PTPRM: variants seen among roughly 807,000 people sequenced by gnomAD.
PTPRM encodes the protein protein tyrosine phosphatase receptor type M, also known as receptor-type tyrosine-protein phosphatase mu.
In PTPRM, 47 loss-of-function variants were observed where a neutral mutation model predicts 186.7. The observed-to-expected ratio is 0.25, with a 90% confidence interval of 0.20 to 0.32. The LOEUF is 0.32. Among genes scored for constraint, PTPRM ranks in the 10% least tolerant of loss-of-function variants. The pLI is 1.00. For synonymous variants in PTPRM, 668 were observed against 674.9 expected (o/e 0.99, Z 0.16); for missense variants, 1,494 against 1,865.0 (o/e 0.80, Z 3.66).
intron 30 of PTPRM, 114 bp from the exon 31 acceptor site, chr18:8,386,958 G>C: frequency 9.0e-7 from 1 of 1,113,060 alleles, no homozygotes; most frequent in Non-Finnish European, 1.3e-6. Flanking sequence ...TAATTTGTAG[G>C]CAGGACTCGC....
chr18:8,225,008 C>T (rs1173166045), intron 14 of PTPRM, among the ~76,000 whole-genome samples: 2 of 152,204 alleles, frequency 1.3e-5, no homozygotes, highest in South Asian at 2.1e-4. Flanking sequence ...TTTTAAAGTT[C>T]CACATCAGCC....
intron 32 of PTPRM, among the ~76,000 whole-genome samples, chr18:8,399,227 G>A (rs1412352156): frequency 2.0e-5 from 3 of 152,176 alleles, no homozygotes; most frequent in Non-Finnish European, 4.4e-5. Context: ...TCCATCATAC[G>A]GTTAAAACAG....
At chr18:7,694,813 C>T (rs1210000037) in intron 1 of PTPRM, among the ~76,000 whole-genome samples, 1 of 152,026 alleles carries the variant, frequency 6.6e-6, no homozygotes, top group African/African-American at 2.4e-5. Context: ...ATTTATAGCT[C>T]TTTTAGAGAA....
chr18:8,333,112 A>G (rs922696657), intron 22 of PTPRM, among the ~76,000 whole-genome samples: 2 of 152,142 alleles, frequency 1.3e-5, no homozygotes, highest in Non-Finnish European at 2.9e-5. Context: ...GTTGATTTCC[A>G]TTGTTTCCTT....
chr18:7,765,309 A>G (rs2041967843), intron 1 of PTPRM, among the ~76,000 whole-genome samples: 1 of 152,218 alleles, frequency 6.6e-6, no homozygotes, highest in East Asian at 1.9e-4. Flanking sequence ...AGCACTTCTT[A>G]TAATAGAGCA....
intron 19 of PTPRM, among the ~76,000 whole-genome samples, chr18:8,274,795 C>G (rs1346665855): frequency 2.6e-5 from 4 of 152,188 alleles, no homozygotes; most frequent in Non-Finnish European, 5.9e-5. Flanking sequence ...GCTCTCTGTC[C>G]TCAGGAAACA....
chr18:8,039,111 A>T (rs933112743), intron 7 of PTPRM, among the ~76,000 whole-genome samples: 11 of 152,158 alleles, frequency 7.2e-5, no homozygotes, highest in African/African-American at 2.7e-4. Flanking sequence ...AATATACCAG[A>T]TTTATTATCT....
chr18:7,892,255 G>T (rs2049119817), intron 3 of PTPRM, among the ~76,000 whole-genome samples: 1 of 152,204 alleles, frequency 6.6e-6, no homozygotes, highest in Non-Finnish European at 1.5e-5. Context: ...CAGTGTGCTG[G>T]TTTAGCGTGG....
chr18:7,761,974 A>G (rs28594778), intron 1 of PTPRM, among the ~76,000 whole-genome samples: 31,373 of 152,222 alleles, frequency 0.21, 7,985 homozygotes, highest in African/African-American at 0.61. Context: ...AGCAGTAAAC[A>G]GTTTTTATTC....
chr18:7,999,611 G>C (rs1364500514), intron 7 of PTPRM, among the ~76,000 whole-genome samples: 3 of 151,704 alleles, frequency 2.0e-5, no homozygotes, highest in African/African-American at 7.3e-5. Context: ...ATAGTGGTAA[G>C]GTATTAGGTT....
chr18:8,099,736 C>T (rs1297390106), intron 11 of PTPRM, among the ~76,000 whole-genome samples: 3 of 152,138 alleles, frequency 2.0e-5, no homozygotes, highest in Non-Finnish European at 4.4e-5. Flanking sequence ...TCTAATCTCT[C>T]TGATGTAAAC....
At chr18:7,690,223 A>G (rs946583745) in intron 1 of PTPRM, among the ~76,000 whole-genome samples, 2 of 152,200 alleles carry the variant, frequency 1.3e-5, no homozygotes, top group Non-Finnish European at 2.9e-5. Flanking sequence ...TAGATTCACA[A>G]TGGCCCTCTT....
intron 7 of PTPRM, among the ~76,000 whole-genome samples, chr18:7,982,262 G>C (rs35943243): frequency 4.9e-5 from 7 of 142,592 alleles, no homozygotes; most frequent in African/African-American, 1.8e-4. Flanking sequence ...TCTATAAGCT[G>C]TTTTCTGTTT....
chr18:7,891,235 G>A (rs555041807), intron 3 of PTPRM, among the ~76,000 whole-genome samples: 61 of 152,158 alleles, frequency 4.0e-4, no homozygotes, highest in African/African-American at 1.3e-3. Context: ...TCAGTGAGCC[G>A]TGGTCATGCC....
chr18:8,151,212 T>C (rs2092998505), intron 14 of PTPRM, among the ~76,000 whole-genome samples: 1 of 152,166 alleles, frequency 6.6e-6, no homozygotes, highest in African/African-American at 2.4e-5. Flanking sequence ...CATTTAAGTC[T>C]GCTGAAGCTG....
At chr18:8,248,501 C>A (rs2094498221) in intron 17 of PTPRM, 1 of 449,764 alleles carries the variant, frequency 2.2e-6, no homozygotes, top group Non-Finnish European at 4.1e-6. Flanking sequence ...AAGGTGTCAT[C>A]ACTCAGCTGT....
intron 4 of PTPRM, among the ~76,000 whole-genome samples, chr18:7,907,274 C>G (rs1182079120): frequency 6.6e-6 from 1 of 152,220 alleles, no homozygotes; most frequent in African/African-American, 2.4e-5. Context: ...CTGGTTGTTG[C>G]ACCTGTTATG....
At chr18:8,218,814 C>T (rs1446858935) in intron 14 of PTPRM, among the ~76,000 whole-genome samples, 2 of 152,182 alleles carry the variant, frequency 1.3e-5, no homozygotes, top group Admixed American at 6.6e-5. Flanking sequence ...TGGTGTGATG[C>T]CCCCAAAGAA....
intron 2 of PTPRM, among the ~76,000 whole-genome samples, chr18:7,887,490 G>A (rs1360281857): frequency 6.6e-6 from 1 of 152,206 alleles, no homozygotes; most frequent in African/African-American, 2.4e-5. Context: ...TGGTGCTGAA[G>A]TGCAAGAGGA....
Sources: gnomAD v4.1 joint callset for allele counts (sites outside exome capture counted in the v4.1 genomes callset) on GRCh38, gnomAD v4.1.1 for gene constraint, MANE v1.5 for transcripts, NCBI Gene and HGNC (gene_info 2026-07-23, HGNC 2026-07-21) for gene names.